The following NRG1 variants were observed in gnomAD, a reference collection of about 807,000 sequenced individuals.
The protein encoded by NRG1 is neuregulin 1.
NRG1 carries 18 observed loss-of-function variants against 63.8 expected under a neutral mutation model. That is an observed-to-expected ratio of 0.28 (90% confidence interval 0.19 to 0.42). NRG1 has a LOEUF of 0.42. Among genes scored for constraint, NRG1 ranks in the 10% least tolerant of loss-of-function variants. NRG1 has a pLI of 1.00. For synonymous variants in NRG1, 302 were observed against 301.3 expected, an observed-to-expected ratio of 1.00 and a Z score of -0.02; for missense variants, 762 against 814.7, an observed-to-expected ratio of 0.94 and a Z score of 0.79.
intron 1 of NRG1, among the ~76,000 whole-genome samples, chr8:31,774,981 C>T (rs1818977416): frequency 6.6e-6 from 1 of 152,128 alleles, no homozygotes. Flanking sequence ...AACCATTATA[C>T]ATTGTTGGTG....
intron 1 of NRG1, among the ~76,000 whole-genome samples, chr8:32,554,682 T>A (rs1278169150): frequency 6.6e-6 from 1 of 152,228 alleles, no homozygotes; most frequent in East Asian, 1.9e-4. Flanking sequence ...AGATTTCTTT[T>A]GCATTTTTAA....
chr8:32,013,372 A>G (rs1292659973), intron 1 of NRG1, among the ~76,000 whole-genome samples: 2 of 152,168 alleles, frequency 1.3e-5, no homozygotes, highest in African/African-American at 4.8e-5. Context: ...CATCAAAGTG[A>G]TCCCAGTGAT....
At chr8:31,938,555 A>C (rs930577470) in intron 1 of NRG1, among the ~76,000 whole-genome samples, 1 of 152,190 alleles carries the variant, frequency 6.6e-6, no homozygotes, top group East Asian at 1.9e-4. Context: ...CCAAACCAAG[A>C]TGAAATCTGA....
chr8:32,399,855 C>T (rs1370039449), intron 1 of NRG1, among the ~76,000 whole-genome samples: 1 of 152,044 alleles, frequency 6.6e-6, no homozygotes, highest in Non-Finnish European at 1.5e-5. Flanking sequence ...TTAAATTTTC[C>T]ATGTCTTCTG....
chr8:32,358,274 G>A (rs16879268), intron 1 of NRG1, among the ~76,000 whole-genome samples: 15,751 of 150,630 alleles, frequency 0.1, 1,420 homozygotes, highest in East Asian at 0.57. Flanking sequence ...CTTCTTTTAC[G>A]TGGGAGAGTA....
intron 1 of NRG1, among the ~76,000 whole-genome samples, chr8:32,329,431 T>G (rs1242663650): frequency 6.6e-6 from 1 of 152,242 alleles, no homozygotes; most frequent in Non-Finnish European, 1.5e-5. Context: ...TAGTATCCAT[T>G]CAGAAAAGTG....
chr8:31,842,003 T>C (rs551149194), intron 1 of NRG1, among the ~76,000 whole-genome samples: 1 of 152,284 alleles, frequency 6.6e-6, no homozygotes, highest in East Asian at 1.9e-4. Context: ...TCCCTCCTCC[T>C]CCTCCCCATT....
chr8:31,989,109 C>A (rs569736574), intron 1 of NRG1, among the ~76,000 whole-genome samples: 1 of 151,408 alleles, frequency 6.6e-6, no homozygotes, highest in South Asian at 2.1e-4. Context: ...ATTAGCTGGA[C>A]ATGGTGGTGT....
chr8:32,765,326 G>A (rs1013005363), exon 12 of NRG1: 2 of 152,128 alleles, frequency 1.3e-5, no homozygotes, highest in East Asian at 1.9e-4. Flanking sequence ...GTGATTGGTT[G>A]TGTCTTCTTG....
chr8:32,206,937 T>G (rs572783777), intron 1 of NRG1, among the ~76,000 whole-genome samples: 1 of 152,332 alleles, frequency 6.6e-6, no homozygotes, highest in Admixed American at 6.5e-5. Flanking sequence ...TTATTCTAAT[T>G]ATTGTGAAAT....
chr8:31,716,470 C>G (rs1035009280), intron 1 of NRG1, among the ~76,000 whole-genome samples: 1 of 152,172 alleles, frequency 6.6e-6, no homozygotes, highest in African/African-American at 2.4e-5. Flanking sequence ...TAGCAATTAT[C>G]TTATTTCTAA....
chr8:32,349,814 C>A (rs1024463771), intron 1 of NRG1, among the ~76,000 whole-genome samples: 2 of 152,142 alleles, frequency 1.3e-5, no homozygotes, highest in South Asian at 2.1e-4. Flanking sequence ...GGCTGCTGGG[C>A]CCATGCTGAC....
chr8:32,609,551 C>CTT lies in NRG1; in HGVS notation c.400+3868_400+3869insTT, dbSNP rs1845933950. Among the ~76,000 whole-genome samples, 3 of 134,154 alleles carry CTT rather than the reference C, an allele frequency of 2.2e-5. No individual in the cohort carries two copies. In the Admixed American group the frequency reaches 2.4e-4, roughly 11 times the overall value. The allele number at this position is 134,154 out of a possible 152,430, so 88.0% of individuals were successfully genotyped here. On this transcript the variant is annotated intron_variant, in intron 3 of 11. Transcript: ENST00000356819. ...GAATTCTCAAGAATTTCCTTCCCTCCCTCCTTCCTTCCTTCCTTCCTTCCT... is the reference window on the plus strand; with the variant it reads ...GAATTCTCAAGAATTTCCTTCCCTCCTTCTCCTTCCTTCCTTCCTTCCTTCCT...
At chr8:32,706,559 G>C (rs1440858236) in intron 5 of NRG1, among the ~76,000 whole-genome samples, 2 of 151,284 alleles carry the variant, frequency 1.3e-5, no homozygotes, top group Non-Finnish European at 2.9e-5. Flanking sequence ...ATAGGTGTGT[G>C]TGTGTGTGTG....
intron 1 of NRG1, among the ~76,000 whole-genome samples, chr8:31,896,848 A>AT (rs1290925317): frequency 6.6e-6 from 1 of 152,118 alleles, no homozygotes; most frequent in African/African-American, 2.4e-5. Context: ...AACATCTCAC[A>AT]TTTTTTGGTG....
chr8:32,561,450 G>T (rs1836377432), intron 1 of NRG1, among the ~76,000 whole-genome samples: 1 of 152,210 alleles, frequency 6.6e-6, no homozygotes, highest in Non-Finnish European at 1.5e-5. Context: ...TCATAACATG[G>T]AAAAGGAGGG....
At chr8:32,696,280 A>G (rs1033971522) in intron 5 of NRG1, among the ~76,000 whole-genome samples, 2 of 152,208 alleles carry the variant, frequency 1.3e-5, no homozygotes, top group African/African-American at 4.8e-5. Context: ...TTCACTTTCA[A>G]AGTTCCCTAG....
intron 5 of NRG1, among the ~76,000 whole-genome samples, chr8:32,716,956 C>T (rs1411041888): frequency 1.3e-5 from 2 of 151,872 alleles, no homozygotes; most frequent in Non-Finnish European, 2.9e-5. Flanking sequence ...CATTGAACAA[C>T]ATTAGGTTGA....
chr8:31,836,870 T>C (rs1306739933), intron 1 of NRG1, among the ~76,000 whole-genome samples: 1 of 152,090 alleles, frequency 6.6e-6, no homozygotes, highest in Non-Finnish European at 1.5e-5. Flanking sequence ...TTGCTCTCCA[T>C]AGAGTCACAG....
Sources: allele counts gnomAD v4.1 joint callset (sites outside exome capture counted in the v4.1 genomes callset), GRCh38; gene constraint gnomAD v4.1.1; transcripts MANE v1.5; gene names NCBI Gene and HGNC (gene_info 2026-07-23, HGNC 2026-07-21).